The following PPP4R3A variants were observed in gnomAD, a reference collection of about 807,000 sequenced individuals.
PPP4R3A encodes the protein serine/threonine-protein phosphatase 4 regulatory subunit 3A.
Under a neutral mutation model 91.7 loss-of-function variants are expected in PPP4R3A, and 15 were observed. The observed-to-expected ratio is 0.16, with a 90% CI of 0.11 to 0.25. The LOEUF is 0.25. Ranked by LOEUF, PPP4R3A falls within the 10% of genes least tolerant of loss-of-function variation. The pLI is 1.00. For synonymous variants in PPP4R3A, 377 were observed against 348.7 expected (o/e 1.08, Z -0.91); for missense variants, 623 against 998.4 (o/e 0.62, Z 5.07).
At chr14:91,505,968 G>A (rs956879447) in intron 1 of PPP4R3A, among the ~76,000 whole-genome samples, 7 of 149,942 alleles carry the variant, frequency 4.7e-5, no homozygotes, top group East Asian at 2.0e-4. Context: ...TTTTTGAGAC[G>A]GAGTCTCGCT....
At chr14:91,468,836 AT>A (rs895269670) in intron 10 of PPP4R3A, among the ~76,000 whole-genome samples, 19 of 151,894 alleles carry the variant, frequency 1.3e-4, no homozygotes, top group African/African-American at 4.3e-4. Flanking sequence ...ATTGTGTGAA[AT>A]TTTTCATCTG....
chr14:91,504,508 G>A (rs1189585321), intron 1 of PPP4R3A, among the ~76,000 whole-genome samples: 3 of 151,604 alleles, frequency 2.0e-5, no homozygotes, highest in Admixed American at 6.6e-5. Context: ...AGGCTGAGGC[G>A]GGAGAATCGC....
intron 1 of PPP4R3A, among the ~76,000 whole-genome samples, chr14:91,507,433 A>AT (rs1471873772): frequency 7.7e-6 from 1 of 129,754 alleles, no homozygotes; most frequent in African/African-American, 3.2e-5. Flanking sequence ...TATATACTAT[A>AT]ATTATATATA....
At chr14:91,509,142 G>A (rs1167442864) in intron 1 of PPP4R3A, among the ~76,000 whole-genome samples, 4 of 152,182 alleles carry the variant, frequency 2.6e-5, no homozygotes, top group Admixed American at 6.5e-5. Flanking sequence ...GGTGAACTAA[G>A]GCAGCAGATC....
At chr14:91,465,615 G>A (rs1888426632) in intron 10 of PPP4R3A, among the ~76,000 whole-genome samples, 196 bp from the exon 11 acceptor site, 1 of 152,144 alleles carries the variant, frequency 6.6e-6, no homozygotes, top group South Asian at 2.1e-4. Flanking sequence ...TCTTCTAAAA[G>A]TAGTATATGT....
Position 91,458,659 on chromosome 14 carries a change from A to G in PPP4R3A, c.*100T>C. On this transcript the variant is annotated 3_prime_UTR_variant, in exon 15 of 15. Coordinates refer to ENST00000554943, the MANE Select transcript of PPP4R3A (RefSeq NM_001366432.2). The stretch of plus-strand genomic sequence containing the variant: ...TGTAAGAGGCTGATCTGTGTCAGTC[A>G]TTCACAAGAGACCACTGCGCTTTGT... The G allele has an allele frequency of 6.5e-7, 1 of 1,549,896 alleles. No homozygotes were observed. Among genetic ancestry groups the G allele is most frequent in the African/African-American group, 1.4e-5 (1 of 73,792 alleles).
At chr14:91,462,351 T>C in intron 12 of PPP4R3A, 112 bp from the exon 13 acceptor site, 2 of 1,103,406 alleles carry the variant, frequency 1.8e-6, no homozygotes, top group Middle Eastern at 2.2e-4. Flanking sequence ...TTTACAAATA[T>C]TAAAGTATCA....
intron 7 of PPP4R3A, chr14:91,475,565 TAAAACAAAAC>T (rs71989693): frequency 1.5e-5 from 5 of 340,070 alleles, no homozygotes; most frequent in African/African-American, 6.5e-5. Context: ...ACTTCAGAAT[TAAAACAAAAC>T]AAAACAAAAA....
chr14:91,471,117 G>T (rs1888804599), intron 9 of PPP4R3A, 122 bp from the exon 10 acceptor site: 7 of 906,832 alleles, frequency 7.7e-6, no homozygotes, highest in Non-Finnish European at 1.1e-5. Flanking sequence ...TTAACTTTAG[G>T]GAGGAGGAAA....
chr14:91,485,042 G>T (rs946434267), intron 3 of PPP4R3A, among the ~76,000 whole-genome samples: 1 of 152,310 alleles, frequency 6.6e-6, no homozygotes, highest in Admixed American at 6.5e-5. Flanking sequence ...TCTTTCAAAA[G>T]CCACAAGAAG....
chr14:91,510,322 C>CA (rs1595101202), upstream of PPP4R3A: 1 of 152,572 alleles, frequency 6.6e-6, no homozygotes, highest in Non-Finnish European at 1.5e-5. Context: ...CGGGGCCACC[C>CA]AGGGAGCAGC....
intron 1 of PPP4R3A, among the ~76,000 whole-genome samples, chr14:91,496,166 T>A (rs528578709): frequency 6.6e-6 from 1 of 152,200 alleles, no homozygotes; most frequent in Non-Finnish European, 1.5e-5. Flanking sequence ...GGTAGGATAG[T>A]GACTGGGGAG....
intron 5 of PPP4R3A, among the ~76,000 whole-genome samples, 166 bp from the exon 6 acceptor site, chr14:91,476,690 T>C (rs1567151931): frequency 6.6e-6 from 1 of 152,196 alleles, no homozygotes; most frequent in Non-Finnish European, 1.5e-5. Flanking sequence ...CTCAGCCTTC[T>C]GAGTAGCTAG....
chr14:91,507,394 T>TATATTATATATACTATATA (rs1566660222), intron 1 of PPP4R3A, among the ~76,000 whole-genome samples: 1 of 59,668 alleles, frequency 1.7e-5, no homozygotes, highest in Admixed American at 2.2e-4. Flanking sequence ...ATATAGTATA[T>TATATTATATATACTATATA]GTACTATAAT....
chr14:91,475,548 C>A, intron 7 of PPP4R3A: 1 of 332,540 alleles, frequency 3.0e-6, no homozygotes. Flanking sequence ...CACAATATAG[C>A]AAGTTGACTT....
intron 1 of PPP4R3A, among the ~76,000 whole-genome samples, chr14:91,493,640 A>AT (rs199503861): frequency 1.5e-4 from 5 of 34,096 alleles, no homozygotes; most frequent in Admixed American, 4.0e-4. Context: ...TTAATATAAA[A>AT]TTTAAAAAAG....
At chr14:91,482,231 C>T in intron 3 of PPP4R3A, 38 bp from the exon 4 acceptor site, 1 of 1,541,466 alleles carries the variant, frequency 6.5e-7, no homozygotes, top group African/African-American at 1.4e-5. Flanking sequence ...AAATAGATAA[C>T]AGGTGACCAG....
At chr14:91,475,565 TAAAAC>T (rs71989693) in intron 7 of PPP4R3A, 158,294 of 339,234 alleles carry the variant, frequency 0.47, 37,900 homozygotes, top group Admixed American at 0.53. Flanking sequence ...ACTTCAGAAT[TAAAAC>T]AAAACAAAAC....
intron 5 of PPP4R3A, 109 bp downstream of exon 5, chr14:91,476,800 C>A (rs551670761): frequency 1.1e-6 from 1 of 894,660 alleles, no homozygotes; most frequent in Admixed American, 2.7e-5. Context: ...CTTCTGACCT[C>A]GTGATCCACC....
Sources: allele counts gnomAD v4.1 joint callset (sites outside exome capture counted in the v4.1 genomes callset), GRCh38; gene constraint gnomAD v4.1.1; transcripts MANE v1.5; gene names NCBI Gene and HGNC (gene_info 2026-07-23, HGNC 2026-07-21).